Variants in CNTN6 observed in about 807,000 individuals in gnomAD.
CNTN6 encodes the protein contactin 6.
A neutral mutation model predicts 122.8 loss-of-function variants in CNTN6; 137 were observed. The observed-to-expected ratio is 1.12, with a 90% CI of 0.97 to 1.29. The LOEUF (loss-of-function observed/expected upper bound fraction) is 1.29, where lower values mean the gene tolerates loss of function less well. CNTN6 is among the 50% of genes most tolerant of loss of function. The probability of loss-of-function intolerance (pLI) is 0.00; values close to 1 mark genes in which losing one functional copy is unlikely to be tolerated. For missense variants in CNTN6, 1,634 were observed against 1,223.4 expected (o/e 1.34, Z -5.01); for synonymous variants, 570 against 426.0 (o/e 1.34, Z -4.16).
At chr3:1,129,614 G>C (rs1476094496) in intron 1 of CNTN6, among the ~76,000 whole-genome samples, 1 of 151,996 alleles carries the variant, frequency 6.6e-6, no homozygotes, top group Non-Finnish European at 1.5e-5. Flanking sequence ...ATATGAATGT[G>C]CAATGAATTC....
At chr3:1,274,402 C>T (rs1050443585) in intron 4 of CNTN6, among the ~76,000 whole-genome samples, 1 of 152,138 alleles carries the variant, frequency 6.6e-6, no homozygotes, top group African/African-American at 2.4e-5. Flanking sequence ...TAGTATAAAG[C>T]TAATGACTGC....
chr3:1,355,898 G>A (rs17038138), intron 12 of CNTN6, among the ~76,000 whole-genome samples: 5,159 of 151,894 alleles, frequency 0.034, 117 homozygotes, highest in South Asian at 0.057. Flanking sequence ...AGAGGATTCT[G>A]AAGTTATCTG....
chr3:1,297,239 T>A (rs1282142695), intron 6 of CNTN6, among the ~76,000 whole-genome samples: 2 of 152,208 alleles, frequency 1.3e-5, no homozygotes, highest in African/African-American at 4.8e-5. Flanking sequence ...CTCTGTCGTT[T>A]GGTACATAGA....
intron 19 of CNTN6, 106 bp from the exon 20 acceptor site, chr3:1,385,501 TTCTG>T: frequency 1.3e-6 from 1 of 765,638 alleles, no homozygotes; most frequent in Non-Finnish European, 2.0e-6. Context: ...TCATCTATAC[TTCTG>T]TCTTCTTCCC....
chr3:1,316,923 C>T (rs1340462822), intron 7 of CNTN6, among the ~76,000 whole-genome samples: 2 of 151,816 alleles, frequency 1.3e-5, no homozygotes, highest in Non-Finnish European at 2.9e-5. Context: ...ATAAAAAATT[C>T]TGGGATGAAG....
rs1709428813 is a variant in CNTN6, at chr3:1,373,652, C to T, written c.1835C>T (p.Thr612Ile). ...GTGCAAGTGGAAGACATTTCCAGTA[C>T]TACTTCTCAACTAAGTTGGAGAGCA... ...EDVQVEDISS[T>I]TSQLSWRAGP... is the part of the protein sequence containing the mutation. Residue 612 changes from threonine to isoleucine, a missense_variant, in exon 15 of 23, where the codon ACT becomes ATT. By Grantham distance (89) the Thr-to-Ile change is moderately conservative. Coordinates refer to ENST00000446702, the MANE Select transcript of CNTN6 (RefSeq NM_001289080.2). 1 of 1,612,860 alleles carries T rather than the reference C, an allele frequency of 6.2e-7. No homozygotes were observed. Among genetic ancestry groups the T allele is most frequent in the Non-Finnish European group, 8.5e-7 (1 of 1,179,316 alleles).
At chr3:1,394,151 T>C (rs1000934660) in intron 20 of CNTN6, 30 of 186,174 alleles carry the variant, frequency 1.6e-4, no homozygotes, top group African/African-American at 6.7e-4. Context: ...AGGCCTCAGC[T>C]ACATAGGAGA....
intron 1 of CNTN6, among the ~76,000 whole-genome samples, chr3:1,114,735 T>C (rs74941923): frequency 6.6e-6 from 1 of 151,900 alleles, no homozygotes; most frequent in East Asian, 2.0e-4. Context: ...AGCAAAGACA[T>C]TTTTTTTGCT....
chr3:1,375,677 C>A (rs1200401720), intron 16 of CNTN6, among the ~76,000 whole-genome samples: 1 of 152,066 alleles, frequency 6.6e-6, no homozygotes, highest in Non-Finnish European at 1.5e-5. Flanking sequence ...CACTCTGATT[C>A]ACATCGCTTT....
chr3:1,360,892 GT>G (rs1196407190), intron 12 of CNTN6, among the ~76,000 whole-genome samples: 4 of 151,990 alleles, frequency 2.6e-5, no homozygotes. Flanking sequence ...ACTGACAGTT[GT>G]TTAGACCAAA....
At chr3:1,249,742 C>G (rs1199265654) in intron 4 of CNTN6, among the ~76,000 whole-genome samples, 1 of 152,140 alleles carries the variant, frequency 6.6e-6, no homozygotes, top group East Asian at 1.9e-4. Flanking sequence ...GTAATTCTTC[C>G]AGAAATCCCA....
chr3:1,099,611 TATACAC>T (rs756242878), intron 1 of CNTN6, among the ~76,000 whole-genome samples: 10 of 152,186 alleles, frequency 6.6e-5, no homozygotes, highest in Non-Finnish European at 1.3e-4. Context: ...ATTGAAAACT[TATACAC>T]ATTAAGTGAG....
intron 2 of CNTN6, among the ~76,000 whole-genome samples, chr3:1,218,567 G>A (rs769251254): frequency 6.6e-5 from 10 of 152,074 alleles, no homozygotes; most frequent in African/African-American, 9.7e-5. Flanking sequence ...GGAAGAGGAC[G>A]CTGACAGTGA....
At chr3:1,095,179 A>C (rs1013489853) in intron 1 of CNTN6, among the ~76,000 whole-genome samples, 1 of 152,090 alleles carries the variant, frequency 6.6e-6, no homozygotes, top group Non-Finnish European at 1.5e-5. Context: ...CTTAAAAAAA[A>C]ACAGAAATAT....
At chr3:1,180,444 A>T (rs777761347) in intron 2 of CNTN6, among the ~76,000 whole-genome samples, 10 of 152,130 alleles carry the variant, frequency 6.6e-5, no homozygotes, top group Non-Finnish European at 1.5e-4. Context: ...AGATGAATCA[A>T]TTTTTTTCCC....
At chr3:1,158,286 A>G (rs1007469039) in intron 2 of CNTN6, among the ~76,000 whole-genome samples, 7 of 152,232 alleles carry the variant, frequency 4.6e-5, no homozygotes, top group Non-Finnish European at 7.3e-5. Flanking sequence ...ATGATCAGTG[A>G]CATTGAGCAC....
At chr3:1,296,837 T>G (rs1696317224) in intron 6 of CNTN6, among the ~76,000 whole-genome samples, 2 of 152,126 alleles carry the variant, frequency 1.3e-5, no homozygotes. Context: ...TACTTGGAGA[T>G]TCTACCATGT....
At chr3:1,272,483 G>T (rs958992552) in intron 4 of CNTN6, among the ~76,000 whole-genome samples, 2 of 151,912 alleles carry the variant, frequency 1.3e-5, no homozygotes, top group Non-Finnish European at 2.9e-5. Flanking sequence ...AAAGAACAAA[G>T]AAAAAATTTA....
chr3:1,394,173 C>T (rs1467171192), intron 20 of CNTN6: 2 of 201,976 alleles, frequency 9.9e-6, no homozygotes, highest in Non-Finnish European at 2.0e-5. Context: ...CTGCTCCTTG[C>T]TGCTGGGCCA....
Sources: allele counts gnomAD v4.1 joint callset (sites outside exome capture counted in the v4.1 genomes callset), GRCh38; gene constraint gnomAD v4.1.1; transcripts MANE v1.5; gene names NCBI Gene and HGNC (gene_info 2026-07-23, HGNC 2026-07-21).